Variants in GRIK3 observed in about 807,000 individuals in gnomAD.
The protein encoded by GRIK3 is glutamate ionotropic receptor kainate type subunit 3.
A neutral mutation model predicts 102.5 loss-of-function variants in GRIK3; 29 were observed. The observed-to-expected ratio is 0.28, with a 90% CI of 0.21 to 0.39. GRIK3 has a LOEUF of 0.39. Among genes scored for constraint, GRIK3 ranks in the 10% least tolerant of loss-of-function variants. The pLI, the probability that GRIK3 is intolerant of heterozygous loss-of-function variation, is 1.00. For missense variants in GRIK3, 908 were observed against 1,252.4 expected (o/e 0.73, Z 4.15); for synonymous variants, 511 against 504.9 (o/e 1.01, Z -0.16).
At chr1:36,979,128 C>A (rs1642223051) in intron 1 of GRIK3, among the ~76,000 whole-genome samples, 1 of 152,248 alleles carries the variant, frequency 6.6e-6, no homozygotes, top group Non-Finnish European at 1.5e-5. Context: ...CTTCTATAAA[C>A]TGAATTGCCC....
At chr1:36,902,408 G>GAATT (rs1386358926) in intron 1 of GRIK3, among the ~76,000 whole-genome samples, 1 of 152,236 alleles carries the variant, frequency 6.6e-6, no homozygotes, top group Non-Finnish European at 1.5e-5. Flanking sequence ...ACAGAATGGA[G>GAATT]AATTCAGATG....
At chr1:37,021,127 T>TGTGAGAGAGA (rs1553128804) in intron 1 of GRIK3, among the ~76,000 whole-genome samples, 1 of 145,208 alleles carries the variant, frequency 6.9e-6, no homozygotes, top group Admixed American at 6.9e-5. Context: ...TGTGTGTCTG[T>TGTGAGAGAGA]GAGAGAGAGA....
chr1:36,847,402 G>A (rs1488435063), intron 9 of GRIK3, among the ~76,000 whole-genome samples: 1 of 152,340 alleles, frequency 6.6e-6, no homozygotes, highest in East Asian at 1.9e-4. Context: ...AAACTGGAAG[G>A]CACTCAAATG....
intron 3 of GRIK3, among the ~76,000 whole-genome samples, chr1:36,874,177 C>A (rs771993378): frequency 6.6e-6 from 1 of 152,172 alleles, no homozygotes; most frequent in Non-Finnish European, 1.5e-5. Flanking sequence ...AAAAGCCTTC[C>A]GGCAGAGAAT....
At chr1:37,033,883 T>G (rs2124099206) in intron 1 of GRIK3, 111 bp downstream of exon 1, 1 of 585,972 alleles carries the variant, frequency 1.7e-6, no homozygotes, top group East Asian at 3.5e-5. Flanking sequence ...ACCGATCGGC[T>G]CAGCAGCTCG....
At chr1:36,949,532 GTCTTTCTTT>G (rs1053593809) in intron 1 of GRIK3, among the ~76,000 whole-genome samples, 20 of 144,478 alleles carry the variant, frequency 1.4e-4, no homozygotes, top group Non-Finnish European at 2.0e-4. Context: ...TACTTTGCAT[GTCTTTCTTT>G]TCTTTCTTTT....
chr1:36,817,339 C>G (rs763727440), intron 12 of GRIK3, 62 bp from the exon 13 acceptor site: 5 of 1,127,614 alleles, frequency 4.4e-6, no homozygotes, highest in East Asian at 2.4e-5. Context: ...GCTCAAGTCC[C>G]CTGGGTCATG....
At chr1:36,995,311 G>A (rs1271233658) in intron 1 of GRIK3, among the ~76,000 whole-genome samples, 2 of 152,144 alleles carry the variant, frequency 1.3e-5, no homozygotes, top group African/African-American at 2.4e-5. Context: ...TCTGTCGAAG[G>A]AGCAGCCCTT....
chr1:36,895,249 T>G (rs1641160562), intron 1 of GRIK3, among the ~76,000 whole-genome samples: 1 of 152,034 alleles, frequency 6.6e-6, no homozygotes, highest in Non-Finnish European at 1.5e-5. Flanking sequence ...CAGGGCATAC[T>G]AAAAGGCATA....
chr1:36,816,973 G>T, intron 13 of GRIK3, 87 bp downstream of exon 13: 1 of 908,778 alleles, frequency 1.1e-6, no homozygotes, highest in Non-Finnish European at 1.7e-6. Context: ...GTTAGGGAAG[G>T]ACAGAGACCC....
intron 10 of GRIK3, among the ~76,000 whole-genome samples, chr1:36,829,385 A>T (rs961466762): frequency 8.6e-5 from 13 of 151,322 alleles, no homozygotes; most frequent in Admixed American, 5.3e-4. Flanking sequence ...ATCTATTCCA[A>T]CCCCATGGTT....
At chr1:37,031,404 G>A (rs1642826805) in intron 1 of GRIK3, among the ~76,000 whole-genome samples, 1 of 152,274 alleles carries the variant, frequency 6.6e-6, no homozygotes, top group Non-Finnish European at 1.5e-5. Context: ...TATTCAAGAC[G>A]GATTGTTTGA....
At position 36,819,800 on chromosome 1, in the gene GRIK3, C is replaced by A; in HGVS notation, c.1809G>T (p.Val603=). 2 of 1,606,618 alleles carry A rather than the reference C, an allele frequency of 1.2e-6. No individual in the cohort carries two copies. Among genetic ancestry groups the A allele is most frequent in the Admixed American group, 3.4e-5 (2 of 59,474 alleles). ...TAAGCAGAGTGAAGTTATTTTCCACCACCTCGGAGCCAGGGTTGCAGGGGT... is the reference window on the plus strand; with the variant it reads ...TAAGCAGAGTGAAGTTATTTTCCACAACCTCGGAGCCAGGGTTGCAGGGGT... ...DAHPCNPGSE[V]VENNFTLLNS... is the part of the protein sequence containing the mutation. The change falls in exon 12 of 16, where the codon GTG becomes GTT. Residue 603 remains valine, a synonymous_variant. Transcript: ENST00000373091. This position sits in a 1 kb window ranked among gnomAD's most constrained non-coding sequence, Gnocchi z 4.1.
intron 1 of GRIK3, among the ~76,000 whole-genome samples, chr1:36,971,438 A>C (rs1010005190): frequency 6.6e-6 from 1 of 152,184 alleles, no homozygotes; most frequent in African/African-American, 2.4e-5. Context: ...CATCTGAACC[A>C]GTCTACCCCT....
chr1:36,998,314 G>C (rs1444672641), intron 1 of GRIK3, among the ~76,000 whole-genome samples: 2 of 152,164 alleles, frequency 1.3e-5, no homozygotes, highest in Admixed American at 1.3e-4. Flanking sequence ...TTCCCTGACC[G>C]TGTCCTACTG....
intron 1 of GRIK3, among the ~76,000 whole-genome samples, chr1:36,976,144 G>C (rs1465828649): frequency 1.3e-5 from 2 of 152,114 alleles, no homozygotes; most frequent in Admixed American, 1.3e-4. Flanking sequence ...TGTGTGTAGT[G>C]GGGTAGTCAG....
chr1:36,811,847 T>C (rs542911947), intron 13 of GRIK3, among the ~76,000 whole-genome samples: 1 of 152,270 alleles, frequency 6.6e-6, no homozygotes, highest in East Asian at 1.9e-4. Context: ...AATTGCTGCA[T>C]GGTGAAAATA....
intron 10 of GRIK3, among the ~76,000 whole-genome samples, chr1:36,829,714 C>T (rs1205235877): frequency 6.6e-6 from 1 of 152,160 alleles, no homozygotes; most frequent in Non-Finnish European, 1.5e-5. Context: ...GTCCTCTATC[C>T]TTGCATGAGG....
intron 1 of GRIK3, among the ~76,000 whole-genome samples, chr1:36,919,170 G>T (rs1202510052): frequency 1.3e-5 from 2 of 152,012 alleles, no homozygotes; most frequent in Non-Finnish European, 1.5e-5. Context: ...TCCTTGCCTT[G>T]GTTTGTTCAC....
Sources: gnomAD v4.1 joint callset for allele counts (sites outside exome capture counted in the v4.1 genomes callset) on GRCh38, gnomAD v4.1.1 for gene constraint, Gnocchi (gnomAD v3.1) non-coding constraint, MANE v1.5 for transcripts, NCBI Gene and HGNC (gene_info 2026-07-23, HGNC 2026-07-21) for gene names.